ST7L: variants seen among roughly 807,000 people sequenced by gnomAD.
ST7L encodes the protein suppression of tumorigenicity 7 like.
A neutral mutation model predicts 72.5 loss-of-function variants in ST7L; 57 were observed. The observed-to-expected ratio is 0.79, with a 90% CI of 0.64 to 0.98. The LOEUF (loss-of-function observed/expected upper bound fraction) is 0.98. Ranked by LOEUF, ST7L falls within the 50% of genes least tolerant of loss-of-function variation. ST7L has a pLI of 0.00. For missense variants in ST7L, 576 were observed against 672.2 expected (o/e 0.86, Z 1.58); for synonymous variants, 221 against 240.9 (o/e 0.92, Z 0.77).
intron 5 of ST7L, 32 bp from the exon 6 acceptor site, chr1:112,591,635 A>T (rs1665740725): frequency 1.9e-6 from 3 of 1,558,148 alleles, no homozygotes; most frequent in Non-Finnish European, 2.6e-6. Context: ...AATAGATGAG[A>T]TGGTAAAAAA....
At chr1:112,536,945 C>T (rs1335162258) in intron 14 of ST7L, among the ~76,000 whole-genome samples, 3 of 152,036 alleles carry the variant, frequency 2.0e-5, no homozygotes, top group Non-Finnish European at 2.9e-5. Context: ...CCTGTAACAC[C>T]CTTTTCTGCC....
At chr1:112,554,262 A>G (rs548742319) in intron 12 of ST7L, among the ~76,000 whole-genome samples, 1 of 152,290 alleles carries the variant, frequency 6.6e-6, no homozygotes, top group African/African-American at 2.4e-5. Flanking sequence ...CTTGGTGGTT[A>G]TAAGAAGCAA....
At chr1:112,559,906 C>T (rs546346735) in intron 11 of ST7L, among the ~76,000 whole-genome samples, 7 of 151,170 alleles carry the variant, frequency 4.6e-5, no homozygotes, top group Admixed American at 1.3e-4. Flanking sequence ...TGAAGCCGGG[C>T]GGTGGCAGTT....
chr1:112,605,758 G>A (rs1361646277), intron 3 of ST7L, among the ~76,000 whole-genome samples: 1 of 152,086 alleles, frequency 6.6e-6, no homozygotes, highest in Non-Finnish European at 1.5e-5. Context: ...GGCCTACTGG[G>A]GTGGCAGTGT....
chr1:112,616,559 A>G (rs1669907171), intron 2 of ST7L, among the ~76,000 whole-genome samples: 1 of 152,054 alleles, frequency 6.6e-6, no homozygotes, highest in Non-Finnish European at 1.5e-5. Flanking sequence ...CCTGACCAAT[A>G]TGGTGAAATG....
At chr1:112,578,067 A>T (rs1340270097) in intron 10 of ST7L, among the ~76,000 whole-genome samples, 1 of 152,228 alleles carries the variant, frequency 6.6e-6, no homozygotes, top group African/African-American at 2.4e-5. Context: ...CTCCTGCAAT[A>T]TTAGTCTCAT....
chr1:112,582,801 A>G (rs1361374945), intron 7 of ST7L, among the ~76,000 whole-genome samples: 1 of 152,188 alleles, frequency 6.6e-6, no homozygotes, highest in East Asian at 1.9e-4. Context: ...AAAAAGAAAT[A>G]CATACATTAT....
At chr1:112,562,513 C>T (rs1027767935) in intron 11 of ST7L, among the ~76,000 whole-genome samples, 5 of 152,054 alleles carry the variant, frequency 3.3e-5, no homozygotes, top group Admixed American at 6.6e-5. Context: ...GTTATCTCTT[C>T]TTGGGAAAAC....
chr1:112,530,010 A>G (rs926326253), intron 14 of ST7L: 1 of 152,342 alleles, frequency 6.6e-6, no homozygotes, highest in East Asian at 1.9e-4. Context: ...AGAAGATGCC[A>G]TCATGCAACT....
intron 14 of ST7L, chr1:112,528,256 G>C (rs576223826): frequency 1.3e-5 from 2 of 152,272 alleles, no homozygotes; most frequent in Admixed American, 6.5e-5. Context: ...TTAGAAGCAG[G>C]AATGTACAAG....
chr1:112,531,405 G>C (rs921833053), intron 14 of ST7L, among the ~76,000 whole-genome samples: 1 of 152,160 alleles, frequency 6.6e-6, no homozygotes, highest in African/African-American at 2.4e-5. Context: ...CAGCTGCTGA[G>C]TATAAAGATG....
chr1:112,600,931 G>T, intron 3 of ST7L, 83 bp from the exon 4 acceptor site: 1 of 1,221,064 alleles, frequency 8.2e-7, no homozygotes, highest in Non-Finnish European at 1.2e-6. Flanking sequence ...ACCCACTGTA[G>T]GCTAATCACA....
chr1:112,604,656 A>C (rs1259986992), intron 3 of ST7L, among the ~76,000 whole-genome samples: 1 of 151,890 alleles, frequency 6.6e-6, no homozygotes, highest in East Asian at 1.9e-4. Flanking sequence ...TGCCAGGCAC[A>C]ATGGCATTCC....
At chr1:112,550,721 C>T in intron 12 of ST7L, 28 bp from the exon 13 acceptor site, 1 of 1,552,800 alleles carries the variant, frequency 6.4e-7, no homozygotes, top group Non-Finnish European at 8.9e-7. Flanking sequence ...TGTGTTGATA[C>T]TCAATTCTGT....
At chr1:112,599,073 A>AAAAAAAAAAAAAAAATATATATAT (rs1190968815) in intron 4 of ST7L, among the ~76,000 whole-genome samples, 1 of 56,994 alleles carries the variant, frequency 1.8e-5, no homozygotes, top group Non-Finnish European at 3.1e-5. Flanking sequence ...AAAAAAAAAA[A>AAAAAAAAAAAAAAAATATATATAT]ATATATATAT....
chr1:112,536,467 A>G (rs1407858536), intron 14 of ST7L, among the ~76,000 whole-genome samples: 2 of 152,168 alleles, frequency 1.3e-5, no homozygotes, highest in Non-Finnish European at 2.9e-5. Context: ...AATAGTGGAC[A>G]AATCTTCCCA....
At chr1:112,540,823 T>G in intron 14 of ST7L, 1 of 1,288,908 alleles carries the variant, frequency 7.8e-7, no homozygotes, top group Non-Finnish European at 1.0e-6. Context: ...TTTTCATTTT[T>G]GGGAATATAA....
At position 112,618,827 on chromosome 1, in the gene ST7L, C is replaced by T; in HGVS notation, c.205+82G>A. On this transcript the variant is annotated intron_variant, in intron 1 of 14. Coordinates refer to ENST00000358039, the MANE Select transcript of ST7L (RefSeq NM_017744.5). Reference sequence around the variant, plus strand: ...CTCCTCAGAGGCCCTCTAGGACTACCGAGAATCTCTTGCCCTTTGGCTCTT... The same window carrying T: ...CTCCTCAGAGGCCCTCTAGGACTACTGAGAATCTCTTGCCCTTTGGCTCTT... The T allele has an allele frequency of 2.6e-6, 4 of 1,515,428 alleles. No homozygotes were observed. The South Asian group carries it at 5.0e-5, about 19-fold the overall frequency. 93.9% of individuals were successfully genotyped at this position (1,515,428 alleles called of 1,614,324 possible). A position where few individuals can be genotyped will look rare whatever the true frequency, so the allele number is the denominator to read the frequency against.
rs1653158411 is a variant in ST7L, at chr1:112,524,808, G to A, written c.*1205C>T. The A allele has an allele frequency of 6.6e-6, 1 of 151,908 alleles. No individual in the cohort carries two copies. Among genetic ancestry groups the A allele is most frequent in the Admixed American group, 6.6e-5 (1 of 15,258 alleles). The allele number at this position is 151,908 out of a possible 1,614,324, so 9.4% of individuals were successfully genotyped here. Reference sequence around the variant, plus strand: ...CAGACACATAGAGAACTTCTCTCAGGCTGCATAGGAGTTCTGCTCATCCTC... The same window carrying A: ...CAGACACATAGAGAACTTCTCTCAGACTGCATAGGAGTTCTGCTCATCCTC... On this transcript the variant is annotated 3_prime_UTR_variant, in exon 15 of 15. Coordinates refer to ENST00000358039, the MANE Select transcript of ST7L (RefSeq NM_017744.5).
Sources: allele counts gnomAD v4.1 joint callset (sites outside exome capture counted in the v4.1 genomes callset), GRCh38; gene constraint gnomAD v4.1.1; transcripts MANE v1.5; gene names NCBI Gene and HGNC (gene_info 2026-07-23, HGNC 2026-07-21).